The following RFPL1 variants were observed in gnomAD, a reference collection of about 807,000 sequenced individuals.
The protein encoded by RFPL1 is ret finger protein like 1, also known as ret finger protein-like 1.
A neutral mutation model predicts 9.6 loss-of-function variants in RFPL1; 6 were observed. That is an observed-to-expected ratio of 0.62 (90% CI 0.34 to 1.23). RFPL1 has a LOEUF of 1.23. RFPL1 is among the 50% of genes most tolerant of loss of function. The probability of loss-of-function intolerance (pLI) is 0.03; values close to 1 mark genes in which losing one functional copy is unlikely to be tolerated. For synonymous variants in RFPL1, 145 were observed against 149.4 expected, an observed-to-expected ratio of 0.97 and a Z score of 0.22; for missense variants, 352 against 398.4, an observed-to-expected ratio of 0.88 and a Z score of 0.99.
upstream of RFPL1, chr22:29,434,290 T>G (rs2062798490): frequency 6.6e-6 from 1 of 152,214 alleles, no homozygotes; most frequent in African/African-American, 2.4e-5. Flanking sequence ...TCTCAAGAAA[T>G]CTTGAATAAT....
chr22:29,390,146 C>T, the RFPL1 span, among the ~76,000 whole-genome samples: 6 of 152,180 alleles, frequency 3.9e-5, 1 homozygote, highest in Non-Finnish European at 4.4e-5. Context: ...ATAGTAAATA[C>T]ATTTCTACTT....
At chr22:29,402,662 G>A in the RFPL1 span, among the ~76,000 whole-genome samples, 42,410 of 150,266 alleles carry the variant, frequency 0.28, 5,978 homozygotes, top group Non-Finnish European at 0.3. Flanking sequence ...AAAGCAGTCC[G>A]AAATTTGTGT....
the RFPL1 span, among the ~76,000 whole-genome samples, chr22:29,427,687 G>A: frequency 1.3e-5 from 2 of 152,196 alleles, no homozygotes; most frequent in African/African-American, 4.8e-5. Context: ...CATCGTGGAA[G>A]AGGAGGGCAC....
chr22:29,418,358 C>T, the RFPL1 span, among the ~76,000 whole-genome samples: 2 of 152,158 alleles, frequency 1.3e-5, no homozygotes, highest in African/African-American at 4.8e-5. Flanking sequence ...AGAGGCTGCA[C>T]ACCGGTGACA....
chr22:29,388,900 G>T, the RFPL1 span, among the ~76,000 whole-genome samples: 1 of 152,090 alleles, frequency 6.6e-6, no homozygotes, highest in Non-Finnish European at 1.5e-5. Flanking sequence ...TTGAAATAGG[G>T]TCTTGCTCTG....
the RFPL1 span, among the ~76,000 whole-genome samples, chr22:29,389,987 C>T: frequency 2.0e-5 from 3 of 151,848 alleles, no homozygotes; most frequent in Non-Finnish European, 2.9e-5. Context: ...TTAGTAGAGG[C>T]GGGGGTTTCA....
chr22:29,404,239 T>C, the RFPL1 span, among the ~76,000 whole-genome samples: 3 of 152,050 alleles, frequency 2.0e-5, no homozygotes, highest in African/African-American at 7.2e-5. Flanking sequence ...TGGGGAATTC[T>C]TGATGCTGAC....
the RFPL1 span, among the ~76,000 whole-genome samples, chr22:29,405,335 C>T: frequency 6.6e-6 from 1 of 152,252 alleles, no homozygotes; most frequent in African/African-American, 2.4e-5. Flanking sequence ...ACCTCCAGGC[C>T]AGCAGATGAG....
the RFPL1 span, among the ~76,000 whole-genome samples, chr22:29,394,100 T>C: frequency 6.6e-6 from 1 of 152,356 alleles, no homozygotes; most frequent in Non-Finnish European, 1.5e-5. Context: ...TGTGCCCCTG[T>C]GCCCAGCCAG....
the RFPL1 span, among the ~76,000 whole-genome samples, chr22:29,413,793 G>C: frequency 6.6e-6 from 1 of 152,138 alleles, no homozygotes; most frequent in Non-Finnish European, 1.5e-5. Flanking sequence ...TTAATGTCCA[G>C]TTCACAGAAA....
chr22:29,393,388 C>T, the RFPL1 span, among the ~76,000 whole-genome samples: 1 of 152,166 alleles, frequency 6.6e-6, no homozygotes, highest in Non-Finnish European at 1.5e-5. Context: ...TAAAAATATA[C>T]TAGTAAGAGG....
chr22:29,409,859 A>G, the RFPL1 span, among the ~76,000 whole-genome samples: 10 of 152,168 alleles, frequency 6.6e-5, no homozygotes, highest in Non-Finnish European at 1.5e-4. Context: ...TTTATGACCA[A>G]CTGAGGCCAG....
chr22:29,442,062 C>T (rs763036489), exon 2 of RFPL1: 1 of 1,612,662 alleles, frequency 6.2e-7, no homozygotes, highest in South Asian at 1.1e-5. Context: ...TCTTGAGTAT[C>T]TGTCCTGTGA....
the RFPL1 span, among the ~76,000 whole-genome samples, chr22:29,405,825 C>G: frequency 6.6e-6 from 1 of 152,126 alleles, no homozygotes; most frequent in Non-Finnish European, 1.5e-5. Flanking sequence ...AATAACACAT[C>G]TCGGCCGGGC....
exon 2 of RFPL1, chr22:29,441,894 A>G (rs368152087): frequency 6.2e-7 from 1 of 1,612,936 alleles, no homozygotes; most frequent in Non-Finnish European, 8.5e-7. Context: ...ACCGCAAGTT[A>G]CAGCGAGTGG....
chr22:29,420,451 A>C, the RFPL1 span, among the ~76,000 whole-genome samples: 3 of 149,198 alleles, frequency 2.0e-5, no homozygotes, highest in Non-Finnish European at 3.0e-5. Flanking sequence ...CTGCCTCAGC[A>C]TACCGGGTAG....
upstream of RFPL1, among the ~76,000 whole-genome samples, chr22:29,436,169 G>A (rs900359256): frequency 4.6e-5 from 7 of 151,898 alleles, no homozygotes; most frequent in Non-Finnish European, 7.4e-5. Flanking sequence ...GGGAGAGGTC[G>A]GTAATTGGAT....
At chr22:29,395,459 C>A in the RFPL1 span, among the ~76,000 whole-genome samples, 2 of 148,658 alleles carry the variant, frequency 1.3e-5, no homozygotes, top group African/African-American at 4.9e-5. Context: ...CCAGGCCTGG[C>A]ACAACCCCCA....
chr22:29,396,068 GAAGAT>G, the RFPL1 span, among the ~76,000 whole-genome samples: 2 of 152,026 alleles, frequency 1.3e-5, no homozygotes, highest in South Asian at 2.1e-4. Flanking sequence ...GAAGAGAAGA[GAAGAT>G]AAGAGAAAAG....
Sources: gnomAD v4.1 joint callset for allele counts (sites outside exome capture counted in the v4.1 genomes callset) on GRCh38, gnomAD v4.1.1 for gene constraint, MANE v1.5 for transcripts, NCBI Gene and HGNC (gene_info 2026-07-23, HGNC 2026-07-21) for gene names.